The following BTC variants were observed in gnomAD, a reference collection of about 807,000 sequenced individuals.
BTC encodes the protein betacellulin.
A neutral mutation model predicts 18.1 loss-of-function variants in BTC; 13 were observed. The observed-to-expected ratio is 0.72, with a 90% CI of 0.47 to 1.14. The LOEUF (loss-of-function observed/expected upper bound fraction) is 1.14. Ranked by LOEUF, BTC falls within the 50% of genes most tolerant of loss-of-function variation. The pLI is 0.00. For missense variants in BTC, 247 were observed against 224.2 expected (o/e 1.10, Z -0.65); for synonymous variants, 83 against 79.4 (o/e 1.05, Z -0.24).
In BTC at chr4:74,763,052, T is replaced by G. The variant is rs191146063; in HGVS notation, c.163+7006A>C. On this transcript the variant is annotated intron_variant, in intron 2 of 5. Coordinates refer to ENST00000395743, the MANE Select transcript of BTC (RefSeq NM_001729.4). ...TCTGTATTTCTGGTTTCTCATTGATTTCTCAACATTTGTCCACACATAGAC... is the reference window on the plus strand; with the variant it reads ...TCTGTATTTCTGGTTTCTCATTGATGTCTCAACATTTGTCCACACATAGAC... Among the ~76,000 whole-genome samples the G allele has an allele frequency of 3.5e-3, 532 of 152,328 alleles. 3 individuals are homozygous for G. Among genetic ancestry groups the G allele is most frequent in the African/African-American group, 0.012 (510 of 41,574 alleles).
intron 1 of BTC, among the ~76,000 whole-genome samples, chr4:74,787,641 C>T (rs921993691): frequency 6.6e-6 from 1 of 152,286 alleles, no homozygotes; most frequent in African/African-American, 2.4e-5. Context: ...GGGTCTGGCA[C>T]TGCCTAAGAT....
intron 2 of BTC, among the ~76,000 whole-genome samples, chr4:74,761,200 G>A (rs140797102): frequency 6.6e-6 from 1 of 151,960 alleles, no homozygotes; most frequent in African/African-American, 2.4e-5. Flanking sequence ...TTCATGGCTG[G>A]AGGCAAATGA....
At chr4:74,764,238 T>A (rs1228052975) in intron 2 of BTC, among the ~76,000 whole-genome samples, 3 of 152,066 alleles carry the variant, frequency 2.0e-5, no homozygotes, top group Non-Finnish European at 2.9e-5. Context: ...TTTAAAAAAA[T>A]TAAAAATAAA....
At chr4:74,765,131 G>A (rs1577957029) in intron 2 of BTC, among the ~76,000 whole-genome samples, 1 of 149,674 alleles carries the variant, frequency 6.7e-6, no homozygotes, top group Non-Finnish European at 1.5e-5. Context: ...GAAGGAACAG[G>A]TAAATATATC....
At chr4:74,793,409 G>A (rs61604859) in intron 1 of BTC, among the ~76,000 whole-genome samples, 11,068 of 152,164 alleles carry the variant, frequency 0.073, 507 homozygotes, top group Admixed American at 0.12. Context: ...AGGTAGGAGT[G>A]ATATCGTGGT....
In BTC at chr4:74,746,496, T is replaced by TAC. The variant is rs1553955499; in HGVS notation, c.*179_*180dup. On this transcript the variant is annotated 3_prime_UTR_variant, in exon 6 of 6. Coordinates refer to ENST00000395743, the MANE Select transcript of BTC (RefSeq NM_001729.4). ...CTTTTTTCCCAATTACTAGACAATA[T>TAC]ACATATAATTAATGTTCTTATTAAA... is the stretch of plus-strand genomic sequence containing the variant. The TAC allele has an allele frequency of 1.3e-5, 2 of 152,626 alleles. No homozygotes were observed. Among genetic ancestry groups the TAC allele is most frequent in the Non-Finnish European group, 2.9e-5 (2 of 68,034 alleles). 9.5% of individuals were successfully genotyped at this position (152,626 alleles called of 1,614,324 possible).
intron 1 of BTC, among the ~76,000 whole-genome samples, chr4:74,791,015 C>T (rs182976657): frequency 7.1e-4 from 108 of 152,306 alleles, no homozygotes; most frequent in African/African-American, 2.3e-3. Flanking sequence ...TGCAACGCAA[C>T]GTCTCTGCAC....
At chr4:74,759,535 A>G (rs1296331835) in intron 2 of BTC, among the ~76,000 whole-genome samples, 1 of 152,178 alleles carries the variant, frequency 6.6e-6, no homozygotes, top group Non-Finnish European at 1.5e-5. Flanking sequence ...ACAGGACTCT[A>G]TATTCCGAAG....
At chr4:74,792,492 T>C (rs1725660047) in intron 1 of BTC, among the ~76,000 whole-genome samples, 1 of 152,194 alleles carries the variant, frequency 6.6e-6, no homozygotes, top group South Asian at 2.1e-4. Context: ...CCCCCCTTCC[T>C]ATACTGCACC....
At chr4:74,774,934 C>G (rs139732015) in intron 1 of BTC, among the ~76,000 whole-genome samples, 7 of 151,916 alleles carry the variant, frequency 4.6e-5, no homozygotes, top group African/African-American at 1.2e-4. Context: ...AAAGAAAGGC[C>G]TATGAGGGAT....
At chr4:74,790,088 T>C (rs1339019345) in intron 1 of BTC, among the ~76,000 whole-genome samples, 1 of 152,254 alleles carries the variant, frequency 6.6e-6, no homozygotes, top group Admixed American at 6.5e-5. Context: ...AGGATTTTTA[T>C]CTATTACCTA....
Position 74,791,990 on chromosome 4 carries a change from C to CAA in BTC, c.64+2271_64+2272insTT, listed in dbSNP as rs1174967226. On this transcript the variant is annotated intron_variant, in intron 1 of 5. Transcript: ENST00000395743. ...CATCTCACACACACACACACACACA[C>CAA]ACACACACACACACACAAACACTAG... Among the ~76,000 whole-genome samples the CAA allele has an allele frequency of 2.7e-5, 4 of 147,230 alleles. No individual in the cohort carries two copies. In the East Asian group the frequency reaches 7.7e-4, roughly 28 times the overall value.
chr4:74,750,761 C>T (rs183584958), intron 3 of BTC, 42 bp from the exon 4 acceptor site: 2 of 1,590,642 alleles, frequency 1.3e-6, no homozygotes, highest in South Asian at 1.2e-5. Context: ...ACTTGCAAGA[C>T]TTTTAAGAAT....
intron 4 of BTC, 29 bp from the exon 5 acceptor site, chr4:74,748,178 T>A (rs782126823): frequency 7.4e-7 from 1 of 1,358,300 alleles, no homozygotes; most frequent in East Asian, 2.3e-5. Context: ...GAAGTTAGTA[T>A]GGGCCTAGTA....
chr4:74,746,892 G>A (rs969113684), intron 5 of BTC, among the ~76,000 whole-genome samples: 20 of 152,144 alleles, frequency 1.3e-4, no homozygotes, highest in Admixed American at 3.3e-4. Context: ...ACTGAGCTGT[G>A]GAAAGACACT....
chr4:74,783,678 T>G (rs938528015), intron 1 of BTC, among the ~76,000 whole-genome samples: 2 of 150,748 alleles, frequency 1.3e-5, no homozygotes, highest in Non-Finnish European at 2.9e-5. Context: ...TTAATGGGGA[T>G]AGCATTGAAT....
At chr4:74,783,980 C>A (rs988144275) in intron 1 of BTC, among the ~76,000 whole-genome samples, 1 of 151,834 alleles carries the variant, frequency 6.6e-6, no homozygotes, top group Non-Finnish European at 1.5e-5. Context: ...CTCCTGTAAT[C>A]CCTGCACTTT....
At chr4:74,751,706 T>C (rs1398613766) in intron 3 of BTC, among the ~76,000 whole-genome samples, 2 of 152,184 alleles carry the variant, frequency 1.3e-5, no homozygotes, top group African/African-American at 4.8e-5. Flanking sequence ...GTACTCCCCA[T>C]AGAATTATCT....
At chr4:74,771,027 C>T (rs750735833) in intron 1 of BTC, among the ~76,000 whole-genome samples, 7 of 151,092 alleles carry the variant, frequency 4.6e-5, no homozygotes, top group Non-Finnish European at 1.0e-4. Context: ...GAAGAAGTGA[C>T]GAAAAGGCAT....
Sources: allele counts gnomAD v4.1 joint callset (sites outside exome capture counted in the v4.1 genomes callset), GRCh38; gene constraint gnomAD v4.1.1; transcripts MANE v1.5; gene names NCBI Gene and HGNC (gene_info 2026-07-23, HGNC 2026-07-21).